C3orf22: variants seen among roughly 807,000 people sequenced by gnomAD.
C3orf22 encodes uncharacterized protein C3orf22.
Under a neutral mutation model 10.8 loss-of-function variants are expected in C3orf22, and 7 were observed. That is an observed-to-expected ratio of 0.65 (90% CI 0.37 to 1.22). The LOEUF is 1.22. C3orf22 is among the 50% of genes most tolerant of loss of function. The pLI is 0.02. For synonymous variants in C3orf22, 79 were observed against 78.9 expected, an observed-to-expected ratio of 1.00 and a Z score of 0.00; for missense variants, 173 against 177.0, an observed-to-expected ratio of 0.98 and a Z score of 0.13.
intron 3 of C3orf22, among the ~76,000 whole-genome samples, chr3:126,551,378 G>C (rs1011932135): frequency 6.6e-6 from 1 of 152,212 alleles, no homozygotes; most frequent in Admixed American, 6.5e-5. Flanking sequence ...GCTGTTCCCC[G>C]TGCCGTGCAT....
At chr3:126,540,249 C>G (rs1209993025) in intron 4 of C3orf22, among the ~76,000 whole-genome samples, 1 of 152,210 alleles carries the variant, frequency 6.6e-6, no homozygotes, top group Non-Finnish European at 1.5e-5. Context: ...CCATACAACT[C>G]TTTCAAACCC....
chr3:126,543,668 G>A (rs866877749), intron 4 of C3orf22, among the ~76,000 whole-genome samples: 1 of 152,046 alleles, frequency 6.6e-6, no homozygotes, highest in African/African-American at 2.4e-5. Flanking sequence ...GAGTGTGTGA[G>A]TATATGAGTG....
rs531003297 is a variant in C3orf22 at position 126,556,961 on chromosome 3, CACAT to C, written c.-41+1662_-41+1665del. Among the ~76,000 whole-genome samples the C allele has an allele frequency of 5.3e-5, 8 of 151,512 alleles. No homozygotes were observed. In the South Asian group the frequency reaches 1.5e-3, roughly 28 times the overall value. ...ACTCACACACTCATACACACAGACA[CACAT>C]AGATTCACATACACACACATACAGA... On this transcript the variant is annotated intron_variant, in intron 1 of 3. Transcript: ENST00000318225.
Position 126,552,110 on chromosome 3 carries a change from C to G in C3orf22, c.102G>C (p.Leu34=), listed in dbSNP as rs1937204602. Residue 34 remains leucine (L), a synonymous_variant, in exon 3 of 4, where the codon CTG becomes CTC. Transcript: ENST00000318225. The stretch of plus-strand genomic sequence containing the variant: ...GCAGGGGCTCAGGGTCGGGCTCTGT[C>G]AGCCACGACAACCTGCAACAGCACT... ...AKKFPYRLSW[L]TEPDPEPLQP... 1.9e-6 allele frequency: 3 copies of G among 1,613,804 alleles called. No homozygotes were observed. The South Asian group carries it at 3.3e-5, about 18-fold the overall frequency.
intron 4 of C3orf22, among the ~76,000 whole-genome samples, chr3:126,540,687 C>A (rs957570412): frequency 3.9e-5 from 6 of 152,186 alleles, no homozygotes; most frequent in African/African-American, 1.4e-4. Flanking sequence ...ACTTCATGGA[C>A]AAGTTTTTTG....
At chr3:126,552,571 C>T (rs1433000652) in intron 2 of C3orf22, among the ~76,000 whole-genome samples, 1 of 152,224 alleles carries the variant, frequency 6.6e-6, no homozygotes, top group Non-Finnish European at 1.5e-5. Context: ...GCTCAGCTGG[C>T]CCGGCACAGG....
At chr3:126,557,326 G>A (rs958818649) in intron 1 of C3orf22, among the ~76,000 whole-genome samples, 2 of 152,214 alleles carry the variant, frequency 1.3e-5, no homozygotes, top group African/African-American at 4.8e-5. Flanking sequence ...AGCAGCTGGC[G>A]TGACCTACTA....
intron 4 of C3orf22, among the ~76,000 whole-genome samples, chr3:126,539,858 C>T (rs796747101): frequency 0.032 from 119 of 3,668 alleles, 5 homozygotes; most frequent in Middle Eastern, 0.17. Context: ...CACACACACA[C>T]ACCCCACACC....
In C3orf22 at chr3:126,538,948, C is replaced by T. The variant is rs114453686; in HGVS notation, c.287-9576G>A. 5.5e-3 allele frequency among the ~76,000 whole-genome samples: 835 copies of T among 152,254 alleles called. 3 individuals are homozygous for T. Among genetic ancestry groups the T allele is most frequent in the Non-Finnish European group, 9.2e-3 (627 of 67,994 alleles). ...CACAGTGAAGAGTAGGTCTCCTTGT[C>T]CAGCACCTGTCCTCTCGGAGGCCAC... is the stretch of plus-strand genomic sequence containing the variant. On this transcript the variant is annotated intron_variant and NMD_transcript_variant, in intron 4 of 5. Coordinates refer to the C3orf22 transcript ENST00000505070.
At chr3:126,540,767 G>GT (rs1936941431) in intron 4 of C3orf22, among the ~76,000 whole-genome samples, 1 of 152,180 alleles carries the variant, frequency 6.6e-6, no homozygotes, top group Non-Finnish European at 1.5e-5. Context: ...ATGTTTACTG[G>GT]TTTTGAGGAA....
chr3:126,531,034 A>C (rs4305381), intron 4 of C3orf22, among the ~76,000 whole-genome samples: 41,479 of 152,248 alleles, frequency 0.27, 5,920 homozygotes, highest in African/African-American at 0.33. Flanking sequence ...AGGCCAGTGC[A>C]AGGCCCGTCC....
At chr3:126,551,935 A>C in intron 3 of C3orf22, 62 bp downstream of exon 3, 1 of 1,527,532 alleles carries the variant, frequency 6.5e-7, no homozygotes, top group Non-Finnish European at 8.8e-7. Flanking sequence ...AAACTGGGGG[A>C]CAGAAAGCCA....
chr3:126,533,515 T>G (rs1936701148), intron 4 of C3orf22, among the ~76,000 whole-genome samples: 1 of 152,216 alleles, frequency 6.6e-6, no homozygotes, highest in African/African-American at 2.4e-5. Flanking sequence ...ATTAATACAG[T>G]GTATTACATT....
chr3:126,551,929 T>TG (rs959009096), intron 3 of C3orf22, 68 bp downstream of exon 3: 7 of 1,518,968 alleles, frequency 4.6e-6, no homozygotes, highest in African/African-American at 1.4e-5. Context: ...CATGCAAAAC[T>TG]GGGGGACAGA....
chr3:126,551,344 G>A (rs902722370), intron 3 of C3orf22, among the ~76,000 whole-genome samples: 1 of 152,216 alleles, frequency 6.6e-6, no homozygotes, highest in Non-Finnish European at 1.5e-5. Context: ...ACCGCTGGTG[G>A]AGGAAGCCCT....
rs146088399 is a variant in C3orf22 at position 126,534,475 on chromosome 3, A to G, written c.287-5103T>C. On this transcript the variant is annotated intron_variant and NMD_transcript_variant, in intron 4 of 5. Coordinates refer to the C3orf22 transcript ENST00000505070. ...CCCTGTCCCCACCCAGGAGACAGAC[A>G]GACAGCATCCTTGTCCTCAGCTAGC... Among the ~76,000 whole-genome samples the G allele has an allele frequency of 5.9e-4, 89 of 151,546 alleles. 1 individual carries two copies. In the East Asian group the frequency reaches 0.016, roughly 27 times the overall value.
Position 126,553,377 on chromosome 3 carries a change from G to T in C3orf22, c.14C>A (p.Ala5Asp). Residue 5 changes from alanine (A) to aspartate (D), a missense_variant, in exon 2 of 4, where the codon GCC becomes GAC. Physicochemically the swap from Ala to Asp is moderately radical, Grantham distance 126. Coordinates refer to ENST00000318225, the MANE Select transcript of C3orf22 (RefSeq NM_152533.3). ...CTTACTCTGGTGAGACTTCTTGCAG[G>T]CACTGGAGTCCATCACTGAGTGGGT... MDSS[A>D]CKKSHQSKKW... The T allele has an allele frequency of 6.2e-7, 1 of 1,613,918 alleles. No homozygotes were observed.
At chr3:126,544,913 A>G (rs1937041344), downstream of C3orf22, among the ~76,000 whole-genome samples, 1 of 152,266 alleles carries the variant, frequency 6.6e-6, no homozygotes, top group South Asian at 2.1e-4. Context: ...GCAGGGCCAC[A>G]GCCCAGGCCC....
intron 2 of C3orf22, among the ~76,000 whole-genome samples, chr3:126,552,538 C>A (rs948843506): frequency 6.6e-6 from 1 of 152,192 alleles, no homozygotes. Context: ...CTACAGTTTC[C>A]TGGGGCAAGG....
Sources: allele counts gnomAD v4.1 joint callset (sites outside exome capture counted in the v4.1 genomes callset), GRCh38; gene constraint gnomAD v4.1.1; transcripts MANE v1.5; gene names NCBI Gene and HGNC (gene_info 2026-07-23, HGNC 2026-07-21).